Variants in PDE3B observed in about 807,000 individuals in gnomAD.
PDE3B encodes the protein cGMP-inhibited 3',5'-cyclic phosphodiesterase 3B.
In PDE3B, 66 loss-of-function variants were observed where a neutral mutation model predicts 116.8. That is an observed-to-expected ratio of 0.56 (90% confidence interval 0.46 to 0.69). PDE3B has a LOEUF of 0.69. PDE3B is among the 30% of genes least tolerant of loss of function. PDE3B has a pLI of 0.00. For missense variants in PDE3B, 1,384 were observed against 1,368.1 expected (o/e 1.01, Z -0.18); for synonymous variants, 595 against 533.6 (o/e 1.12, Z -1.59).
intron 12 of PDE3B, among the ~76,000 whole-genome samples, chr11:14,845,045 C>G (rs1486262475): frequency 2.0e-5 from 3 of 151,506 alleles, no homozygotes; most frequent in Non-Finnish European, 4.4e-5. Context: ...TCAAGTGGGT[C>G]CCTGACCCCT....
chr11:14,716,326 G>A (rs896271958), intron 1 of PDE3B, among the ~76,000 whole-genome samples: 38 of 151,340 alleles, frequency 2.5e-4, no homozygotes, highest in Non-Finnish European at 4.0e-4. Context: ...ACTGCAAGGC[G>A]GCAGCGAGGC....
rs1030461987 is a variant in PDE3B, at chr11:14,870,960, T to C, written c.*1300T>C. ...GCTAGTGTGTGGATATGTACCCTAC[T>C]TGTGAAATACATTTGAAGATATAAA... On this transcript the variant is annotated 3_prime_UTR_variant, in exon 16 of 16. Coordinates refer to ENST00000282096, the MANE Select transcript of PDE3B (RefSeq NM_000922.4). This position sits in a 1 kb window ranked among gnomAD's most constrained non-coding sequence, Gnocchi z 4.1. 3 of 152,192 alleles carry C rather than the reference T, an allele frequency of 2.0e-5. No homozygotes were observed. The highest frequency in any genetic ancestry group is 7.2e-5 in the African/African-American group (3 of 41,452). The allele number at this position is 152,192 out of a possible 1,614,324, so 9.4% of individuals were successfully genotyped here. A position where few individuals can be genotyped will look rare whatever the true frequency, so the allele number is the denominator to read the frequency against.
At chr11:14,885,311 C>G in the PDE3B span, among the ~76,000 whole-genome samples, 3 of 152,226 alleles carry the variant, frequency 2.0e-5, no homozygotes, top group Admixed American at 1.3e-4. Context: ...CTAAACCATA[C>G]AGAATGCTAG....
rs376548386 is a variant in PDE3B, at chr11:14,644,554, G to C, written c.479G>C (p.Cys160Ser). ...TGGTGGCTGCTGGCGCTGCCCGCCTGCTGTTACCTGGGGGACTTCTTGGTG... is the reference window on the plus strand; with the variant it reads ...TGGTGGCTGCTGGCGCTGCCCGCCTCCTGTTACCTGGGGGACTTCTTGGTG... ...GSWWLLALPACCYLGDFLVWQ... is the reference protein window; with the variant it reads ...GSWWLLALPASCYLGDFLVWQ... Residue 160 changes from cysteine (C) to serine (S), a missense_variant, in exon 1 of 16, where the codon TGC becomes TCC. Cys to Ser is a moderately radical substitution (Grantham distance 112, BLOSUM62 -1). Coordinates refer to ENST00000282096, the MANE Select transcript of PDE3B (RefSeq NM_000922.4). 3 of 1,599,046 alleles carry C rather than the reference G, an allele frequency of 1.9e-6. No homozygotes were observed. Among genetic ancestry groups the C allele is most frequent in the South Asian group, 1.1e-5 (1 of 89,144 alleles).
Position 14,859,109 on chromosome 11 carries a change from C to T in PDE3B, c.2587C>T (p.Leu863Phe), listed in dbSNP as rs1555006637. The T allele has an allele frequency of 2.5e-6, 4 of 1,613,500 alleles. No individual in the cohort carries two copies. Among genetic ancestry groups the T allele is most frequent in the Non-Finnish European group, 3.4e-6 (4 of 1,179,708 alleles). ...HHAASAWNLY[L>F]SRPEYNFLLH... ...TGCTGCGTCAGCTTGGAATCTATAT[C>T]TTTCTCGCCCAGAATACAACTTCCT... The change falls in exon 13 of 16, where the codon CTT becomes TTT. Residue 863 changes from leucine to phenylalanine, a missense_variant. Physicochemically the swap from Leu to Phe is conservative, Grantham distance 22 (BLOSUM62 0). Around this residue, in one of 2 missense-constraint regions of PDE3B, gnomAD observed 428 missense variants for 561.4 expected, o/e 0.76. Transcript: ENST00000282096.
chr11:14,850,021 A>G lies in PDE3B; in HGVS notation c.2520+5995A>G, dbSNP rs958732747. ...CCAAAGGACTATAAATCATGCTGCT[A>G]TAAAGACACATGCACACGTATGTTT... On this transcript the variant is annotated intron_variant, in intron 12 of 15. Transcript: ENST00000282096. Among the ~76,000 whole-genome samples the G allele has an allele frequency of 3.5e-4, 53 of 152,152 alleles. 1 individual carries two copies. Among genetic ancestry groups the G allele is most frequent in the Admixed American group, 2.0e-4 (3 of 15,276 alleles).
intron 1 of PDE3B, among the ~76,000 whole-genome samples, chr11:14,650,394 A>G (rs1233149740): frequency 6.6e-6 from 1 of 151,748 alleles, no homozygotes; most frequent in Non-Finnish European, 1.5e-5. Flanking sequence ...TTTTGTAGAG[A>G]AGGGGTTTCG....
chr11:14,850,773 C>G (rs1411074444), intron 12 of PDE3B, among the ~76,000 whole-genome samples: 1 of 152,052 alleles, frequency 6.6e-6, no homozygotes, highest in East Asian at 1.9e-4. Flanking sequence ...CAAATAGATA[C>G]TGTAATTGCA....
chr11:14,885,648 G>T, the PDE3B span: 1 of 999,876 alleles, frequency 1.0e-6, no homozygotes, highest in Non-Finnish European at 1.5e-6. Flanking sequence ...CAAATACTAG[G>T]TTCTGTAAAT....
intron 1 of PDE3B, among the ~76,000 whole-genome samples, chr11:14,759,289 G>C (rs1857286059): frequency 1.3e-5 from 2 of 152,142 alleles, no homozygotes. Flanking sequence ...CTCATAAAAT[G>C]AGTTAGGGAG....
intron 2 of PDE3B, among the ~76,000 whole-genome samples, chr11:14,782,417 G>A (rs1392157051): frequency 1.3e-5 from 2 of 152,216 alleles, no homozygotes; most frequent in African/African-American, 4.8e-5. Context: ...CAGAGATATA[G>A]ACCAATGGAA....
intron 2 of PDE3B, among the ~76,000 whole-genome samples, chr11:14,777,015 A>C (rs1365455609): frequency 6.6e-6 from 1 of 152,208 alleles, no homozygotes; most frequent in Non-Finnish European, 1.5e-5. Context: ...AAGTATCTTG[A>C]AACAAATGGA....
intron 11 of PDE3B, among the ~76,000 whole-genome samples, chr11:14,841,320 T>G: frequency 6.7e-6 from 1 of 148,412 alleles, no homozygotes; most frequent in East Asian, 2.0e-4. Context: ...AAAATAAATC[T>G]CTCTCTCTCT....
intron 14 of PDE3B, among the ~76,000 whole-genome samples, chr11:14,862,823 C>T (rs547262369): frequency 5.5e-4 from 83 of 152,286 alleles, no homozygotes; most frequent in African/African-American, 1.7e-3. Flanking sequence ...CCGCCCACCT[C>T]GGCCTCCCAA....
intron 8 of PDE3B, 77 bp downstream of exon 8, chr11:14,830,923 C>A: frequency 3.0e-6 from 3 of 992,492 alleles, no homozygotes; most frequent in East Asian, 3.0e-5. Context: ...TACTTTTGCC[C>A]AGAACAAGAT....
intron 1 of PDE3B, among the ~76,000 whole-genome samples, chr11:14,714,240 ATG>A (rs1855801175): frequency 6.6e-6 from 1 of 151,896 alleles, no homozygotes; most frequent in South Asian, 2.1e-4. Context: ...GTGTATATAT[ATG>A]TGTGTGTCTT....
chr11:14,776,957 A>T (rs1301408253), intron 2 of PDE3B, among the ~76,000 whole-genome samples: 2 of 152,202 alleles, frequency 1.3e-5, no homozygotes, highest in Non-Finnish European at 2.9e-5. Context: ...TTATCTGGCA[A>T]GGATTTTTAA....
chr11:14,757,800 G>T (rs1384295007), intron 1 of PDE3B, among the ~76,000 whole-genome samples: 19 of 150,452 alleles, frequency 1.3e-4, no homozygotes, highest in African/African-American at 4.4e-4. Context: ...AGAAGCTCTT[G>T]AGTTTAATTA....
At chr11:14,878,224 C>G in the PDE3B span, 4 of 1,613,152 alleles carry the variant, frequency 2.5e-6, no homozygotes, top group Admixed American at 5.0e-5. Flanking sequence ...GCAAATGAAA[C>G]CTCTGAAGCA....
Sources: allele counts gnomAD v4.1 joint callset (sites outside exome capture counted in the v4.1 genomes callset), GRCh38; gene constraint gnomAD v4.1.1; regional missense constraint gnomAD v4.1.1; non-coding constraint Gnocchi (gnomAD v3.1); transcripts MANE v1.5; gene names NCBI Gene and HGNC (gene_info 2026-07-23, HGNC 2026-07-21).